Variants in CCBE1 observed in about 807,000 individuals in gnomAD.
The protein encoded by CCBE1 is collagen and calcium-binding EGF domain-containing protein 1.
In CCBE1, 37 loss-of-function variants were observed where a neutral mutation model predicts 50.0. The observed-to-expected ratio is 0.74, with a 90% CI of 0.57 to 0.97. The LOEUF is 0.97. Ranked by LOEUF, CCBE1 falls within the 50% of genes least tolerant of loss-of-function variation. The probability of loss-of-function intolerance (pLI) is 0.00; values close to 1 mark genes in which losing one functional copy is unlikely to be tolerated. For synonymous variants in CCBE1, 234 were observed against 203.7 expected (o/e 1.15, Z -1.27); for missense variants, 538 against 523.8 (o/e 1.03, Z -0.26).
chr18:59,676,729 A>G (rs1403262246), intron 2 of CCBE1, among the ~76,000 whole-genome samples: 1 of 152,204 alleles, frequency 6.6e-6, no homozygotes, highest in East Asian at 1.9e-4. Context: ...AACAAAGACA[A>G]AAACCTGAAA....
At position 59,612,306 on chromosome 18, in the gene CCBE1, GA is replaced by G. The variant is rs1195032128; in HGVS notation, c.212+84322del. Among the ~76,000 whole-genome samples, 72 of 48,112 alleles carry G rather than the reference GA, an allele frequency of 1.5e-3. No individual in the cohort carries two copies. The East Asian group carries it at 0.028, about 19-fold the overall frequency. 31.6% of individuals were successfully genotyped at this position (48,112 alleles called of 152,430 possible). ...CTTAAAGTATAATAAAAAAAAAAAA[GA>G]AAAAAAAAGGGAAGAAAAAAAAGAA... On this transcript the variant is annotated intron_variant, in intron 2 of 10. Coordinates refer to ENST00000439986, the MANE Select transcript of CCBE1 (RefSeq NM_133459.4).
At chr18:59,632,186 C>A (rs905163888) in intron 2 of CCBE1, among the ~76,000 whole-genome samples, 2 of 152,128 alleles carry the variant, frequency 1.3e-5, no homozygotes, top group African/African-American at 4.8e-5. Context: ...GAAACCAAGG[C>A]CCCCAAAAAT....
At chr18:59,591,363 A>G (rs978444787) in intron 2 of CCBE1, among the ~76,000 whole-genome samples, 1 of 151,652 alleles carries the variant, frequency 6.6e-6, no homozygotes, top group Non-Finnish European at 1.5e-5. Flanking sequence ...TTACTTTTGC[A>G]TAGTGAAAAA....
At chr18:59,492,213 A>G (rs1913143589) in intron 2 of CCBE1, among the ~76,000 whole-genome samples, 1 of 151,864 alleles carries the variant, frequency 6.6e-6, no homozygotes, top group Non-Finnish European at 1.5e-5. Context: ...CAAATAATCC[A>G]CATGCATATT....
At chr18:59,451,896 G>A (rs138575968) in intron 6 of CCBE1, among the ~76,000 whole-genome samples, 80 of 151,598 alleles carry the variant, frequency 5.3e-4, no homozygotes, top group African/African-American at 1.9e-3. Context: ...CTCCTTCCAC[G>A]TGCCCCATCC....
chr18:59,609,893 T>C (rs1188758668), intron 2 of CCBE1, among the ~76,000 whole-genome samples: 3 of 152,218 alleles, frequency 2.0e-5, no homozygotes, highest in Admixed American at 6.5e-5. Context: ...TGGGCAATAT[T>C]TCCATTTGCT....
intron 2 of CCBE1, among the ~76,000 whole-genome samples, chr18:59,616,499 C>A (rs938448442): frequency 9.2e-5 from 14 of 152,174 alleles, no homozygotes; most frequent in Admixed American, 5.9e-4. Context: ...AGAGAACATG[C>A]CTCCCCAAGG....
intron 2 of CCBE1, among the ~76,000 whole-genome samples, chr18:59,689,310 C>A (rs1364458285): frequency 6.6e-6 from 1 of 152,220 alleles, no homozygotes; most frequent in Non-Finnish European, 1.5e-5. Flanking sequence ...GAATGTCCCA[C>A]AGGAGTGGCC....
chr18:59,625,430 CAA>C (rs750324482), intron 2 of CCBE1, among the ~76,000 whole-genome samples: 8 of 69,912 alleles, frequency 1.1e-4, no homozygotes, highest in African/African-American at 2.4e-4. Context: ...GATTCTGTCT[CAA>C]AAAAAAAAAA....
intron 2 of CCBE1, among the ~76,000 whole-genome samples, chr18:59,507,860 G>C (rs1048647432): frequency 3.3e-5 from 5 of 151,032 alleles, no homozygotes; most frequent in African/African-American, 1.2e-4. Context: ...TGCAAGCAGT[G>C]TGTTATGTTA....
chr18:59,639,284 A>C (rs912942710), intron 2 of CCBE1, among the ~76,000 whole-genome samples: 3 of 152,116 alleles, frequency 2.0e-5, no homozygotes, highest in African/African-American at 4.8e-5. Flanking sequence ...ATAAGAAACA[A>C]AGCTAATCCA....
chr18:59,511,071 CA>C (rs1172886808), intron 2 of CCBE1, among the ~76,000 whole-genome samples: 2 of 152,166 alleles, frequency 1.3e-5, no homozygotes, highest in Admixed American at 1.3e-4. Context: ...AGGGATTCAC[CA>C]CTCCCTACCA....
intron 2 of CCBE1, among the ~76,000 whole-genome samples, chr18:59,648,156 T>C (rs2054080010): frequency 6.6e-6 from 1 of 152,212 alleles, no homozygotes; most frequent in Non-Finnish European, 1.5e-5. Context: ...TCAATAAGAA[T>C]AGCTTGCTGA....
chr18:59,509,042 A>G (rs975417167), intron 2 of CCBE1, among the ~76,000 whole-genome samples: 1 of 152,150 alleles, frequency 6.6e-6, no homozygotes, highest in African/African-American at 2.4e-5. Context: ...TAAAGGCAAC[A>G]TTTTTACTTA....
chr18:59,474,140 A>T (rs997914263), intron 3 of CCBE1, among the ~76,000 whole-genome samples: 1 of 152,162 alleles, frequency 6.6e-6, no homozygotes, highest in East Asian at 1.9e-4. Flanking sequence ...ATCCACTACT[A>T]TGGGCACCTA....
rs541647901 is a variant in CCBE1, at chr18:59,453,050, CA to C, written c.654+1800del. ...TCCACTTCTTTATTTTTATACATCA[CA>C]AAAAAACATGGCAAGGAGATTAAGG... On this transcript the variant is annotated intron_variant, in intron 6 of 10. Coordinates refer to ENST00000439986, the MANE Select transcript of CCBE1 (RefSeq NM_133459.4). Among the ~76,000 whole-genome samples the C allele has an allele frequency of 3.3e-5, 5 of 152,182 alleles. No homozygotes were observed. The East Asian group carries it at 5.8e-4, about 18-fold the overall frequency.
chr18:59,439,334 G>A (rs918455164), intron 9 of CCBE1, among the ~76,000 whole-genome samples: 1 of 151,918 alleles, frequency 6.6e-6, no homozygotes, highest in African/African-American at 2.4e-5. Flanking sequence ...GAGTGGTGGT[G>A]CACACCTGTG....
chr18:59,462,971 G>C (rs1299844939), intron 5 of CCBE1, among the ~76,000 whole-genome samples: 2 of 152,198 alleles, frequency 1.3e-5, no homozygotes, highest in Non-Finnish European at 2.9e-5. Context: ...TACTGCTCAG[G>C]TATTTTTACT....
intron 2 of CCBE1, among the ~76,000 whole-genome samples, chr18:59,500,285 G>A (rs1913555562): frequency 6.6e-6 from 1 of 152,218 alleles, no homozygotes; most frequent in East Asian, 1.9e-4. Flanking sequence ...AGGTCTGGGA[G>A]ACCTCTGTTA....
Sources: gnomAD v4.1 joint callset for allele counts (sites outside exome capture counted in the v4.1 genomes callset) on GRCh38, gnomAD v4.1.1 for gene constraint, MANE v1.5 for transcripts, NCBI Gene and HGNC (gene_info 2026-07-23, HGNC 2026-07-21) for gene names.